The following ZRSR2 variants were observed in gnomAD, a reference collection of about 807,000 sequenced individuals.
ZRSR2 encodes the protein U2 small nuclear ribonucleoprotein auxiliary factor 35 kDa subunit-related protein 2.
Under a neutral mutation model 39.4 loss-of-function variants are expected in ZRSR2, and 3 were observed. That is an observed-to-expected ratio of 0.08 (90% confidence interval 0.03 to 0.20). The LOEUF is 0.20. ZRSR2 is among the 10% of genes least tolerant of loss of function. The pLI, the probability that ZRSR2 is intolerant of heterozygous loss-of-function variation, is 1.00. For synonymous variants in ZRSR2, 137 were observed against 136.0 expected, an observed-to-expected ratio of 1.01 and a Z score of -0.05; for missense variants, 256 against 391.5, an observed-to-expected ratio of 0.65 and a Z score of 2.92.
At chrX:15,801,812 C>T (rs1363518423) in intron 3 of ZRSR2, 1 of 111,806 alleles carries the variant, frequency 8.9e-6, no homozygotes, top group African/African-American at 3.2e-5. Context: ...TATCTTTGTG[C>T]TCCTTAGATC....
chrX:15,803,622 CGTGT>C, intron 3 of ZRSR2, 62 bp from the exon 4 acceptor site: 2 of 1,120,364 alleles, frequency 1.8e-6, no homozygotes, highest in Non-Finnish European at 1.2e-6. Context: ...ATTTTGCTCT[CGTGT>C]GTGTGTGTAT....
chrX:15,820,920 G>T (rs1933090305), intron 10 of ZRSR2, among the ~76,000 whole-genome samples: 1 of 111,796 alleles, frequency 8.9e-6, no homozygotes, highest in Non-Finnish European at 1.9e-5. Context: ...GTGCAGAATA[G>T]CCAGCAGTTT....
intron 2 of ZRSR2, among the ~76,000 whole-genome samples, chrX:15,792,239 A>G (rs1301968792): frequency 8.9e-6 from 1 of 112,130 alleles, no homozygotes; most frequent in Non-Finnish European, 1.9e-5. Context: ...CCTGGCCAAC[A>G]TGATGAAACC....
chrX:15,815,564 C>T (rs1932956075), intron 7 of ZRSR2, 113 bp from the exon 8 acceptor site: 1 of 643,099 alleles, frequency 1.6e-6, no homozygotes, highest in South Asian at 3.5e-5. Flanking sequence ...GCCTCGGCCT[C>T]CCAAAGTGTT....
chrX:15,794,124 A>G (rs1026049095), intron 2 of ZRSR2, among the ~76,000 whole-genome samples: 1 of 112,103 alleles, frequency 8.9e-6, no homozygotes, highest in Non-Finnish European at 1.9e-5. Context: ...AGTATCCCTT[A>G]TCTGAAATGC....
chrX:15,807,359 G>A (rs1410673228), intron 5 of ZRSR2, among the ~76,000 whole-genome samples: 4 of 108,753 alleles, frequency 3.7e-5, no homozygotes, highest in Non-Finnish European at 3.8e-5. Context: ...GCGTCATCTC[G>A]GCTCACTGCA....
chrX:15,800,845 T>C (rs1456435330), intron 3 of ZRSR2, among the ~76,000 whole-genome samples: 1 of 112,800 alleles, frequency 8.9e-6, no homozygotes, highest in Non-Finnish European at 1.9e-5. Context: ...TCAGGTTATA[T>C]TGGTTTTTCA....
At chrX:15,805,929 CAAAA>C (rs34575364) in intron 5 of ZRSR2, among the ~76,000 whole-genome samples, 4 of 66,376 alleles carry the variant, frequency 6.0e-5, no homozygotes, top group Non-Finnish European at 5.6e-5. Flanking sequence ...GACTTCGTCT[CAAAA>C]AAAAAAAAAA....
chrX:15,795,848 C>T (rs1296519452), intron 2 of ZRSR2, among the ~76,000 whole-genome samples: 3 of 111,553 alleles, frequency 2.7e-5, no homozygotes, highest in South Asian at 7.4e-4. Flanking sequence ...TCAGGCCAGG[C>T]GCAGTGGCTC....
At position 15,790,494 on chromosome X, in the gene ZRSR2, A is replaced by T. The variant is rs1932234206; in HGVS notation, c.-2A>T. On this transcript the variant is annotated 5_prime_UTR_variant, in exon 1 of 11. In the 5' UTR this introduces an upstream ATG that the reference lacks. Transcript: ENST00000307771. The stretch of plus-strand genomic sequence containing the variant: ...CTGGAGGGGCGGGGCGGTGCCGGCA[A>T]GATGGCTGCGCCCGAGAAGATGACG... 8.6e-7 allele frequency: 1 copy of T among 1,161,098 alleles called. No homozygotes were observed. Among genetic ancestry groups the T allele is most frequent in the Non-Finnish European group, 1.1e-6 (1 of 871,147 alleles).
intron 2 of ZRSR2, 115 bp downstream of exon 2, chrX:15,791,128 C>G (rs952140079): frequency 3.6e-5 from 22 of 606,935 alleles, no homozygotes; most frequent in Non-Finnish European, 5.6e-5. Context: ...GGAAAAATAG[C>G]TGTGACTTCT....
chrX:15,802,423 T>C (rs1267664311), intron 3 of ZRSR2, among the ~76,000 whole-genome samples: 16 of 112,515 alleles, frequency 1.4e-4, no homozygotes, highest in Admixed American at 1.4e-3. Flanking sequence ...TTATAATTGG[T>C]CATATAAAAA....
At chrX:15,801,268 C>G (rs940613632) in intron 3 of ZRSR2, 5 of 150,636 alleles carry the variant, frequency 3.3e-5, no homozygotes, top group African/African-American at 6.4e-5. Context: ...CTCGTTCTGT[C>G]ACCAGGCTGG....
intron 2 of ZRSR2, among the ~76,000 whole-genome samples, chrX:15,795,140 T>A (rs957583967): frequency 1.0e-5 from 1 of 96,879 alleles, no homozygotes; most frequent in African/African-American, 3.8e-5. Context: ...ATTGGCTCTG[T>A]CTTAAGTCCA....
intron 7 of ZRSR2, among the ~76,000 whole-genome samples, chrX:15,815,326 C>T (rs1932949142): frequency 1.8e-5 from 2 of 112,512 alleles, no homozygotes; most frequent in South Asian, 7.2e-4. Context: ...GACGGAGTTT[C>T]GCTCTTGTTG....
chrX:15,805,954 A>T (rs1244628391), intron 5 of ZRSR2, among the ~76,000 whole-genome samples: 1 of 110,228 alleles, frequency 9.1e-6, no homozygotes, highest in East Asian at 2.8e-4. Flanking sequence ...AAAAAGAAAG[A>T]AATAAAGCAG....
chrX:15,800,251 A>G (rs1413435863), intron 3 of ZRSR2, among the ~76,000 whole-genome samples: 1 of 93,659 alleles, frequency 1.1e-5, no homozygotes, highest in African/African-American at 4.2e-5. Context: ...CAGTGGCATG[A>G]TCTCAGCTCA....
intron 10 of ZRSR2, among the ~76,000 whole-genome samples, chrX:15,822,292 G>A (rs1044836771): frequency 2.7e-5 from 3 of 111,913 alleles, no homozygotes; most frequent in East Asian, 5.6e-4. Flanking sequence ...ACCTGGCCAC[G>A]CCTTCTCTTT....
intron 2 of ZRSR2, among the ~76,000 whole-genome samples, chrX:15,795,028 T>C (rs1932401641): frequency 9.1e-6 from 1 of 110,440 alleles, no homozygotes; most frequent in Non-Finnish European, 1.9e-5. Context: ...GGTGTGTCTG[T>C]TAGCTCTTGA....
Sources: gnomAD v4.1 joint callset for allele counts (sites outside exome capture counted in the v4.1 genomes callset) on GRCh38, gnomAD v4.1.1 for gene constraint, MANE v1.5 for transcripts, NCBI Gene and HGNC (gene_info 2026-07-23, HGNC 2026-07-21) for gene names.